Variants in ITGBL1 observed in about 807,000 individuals in gnomAD.
ITGBL1 encodes integrin beta-like protein 1.
ITGBL1 carries 51 observed loss-of-function variants against 68.5 expected under a neutral mutation model. The ratio of observed to expected loss-of-function variants is 0.74; its 90% CI spans 0.59 to 0.94. The LOEUF is 0.94. Among genes scored for constraint, ITGBL1 ranks in the 40% least tolerant of loss-of-function variants. The pLI is 0.00. For synonymous variants in ITGBL1, 209 were observed against 227.3 expected, an observed-to-expected ratio of 0.92 and a Z score of 0.72; for missense variants, 649 against 647.4, an observed-to-expected ratio of 1.00 and a Z score of -0.03.
chr13:101,618,012 T>C (rs958978220), intron 7 of ITGBL1, among the ~76,000 whole-genome samples: 11 of 152,212 alleles, frequency 7.2e-5, no homozygotes, highest in African/African-American at 2.4e-4. Context: ...ATTAGTTACA[T>C]TGGCAATATA....
chr13:101,598,201 A>G lies in ITGBL1; in HGVS notation c.917A>G (p.Tyr306Cys), dbSNP rs544530646. The G allele has an allele frequency of 2.7e-5, 43 of 1,613,758 alleles. No homozygotes were observed. The East Asian group carries it at 3.3e-4, about 13-fold the overall frequency. ...CGRCDCKAGWYGKKCEHPQSC... is the reference protein window; with the variant it reads ...CGRCDCKAGWCGKKCEHPQSC... The stretch of plus-strand genomic sequence containing the variant: ...AGATGTGACTGCAAAGCAGGCTGGT[A>G]TGGGAAGAAGTGTGAGCACCCACAG... Residue 306 changes from tyrosine (Y) to cysteine (C), a missense_variant, in exon 7 of 11, where the codon TAT (tyrosine) becomes TGT (cysteine). Transcript: ENST00000376180.
chr13:101,557,813 G>A (rs1434612050), intron 2 of ITGBL1, among the ~76,000 whole-genome samples: 2 of 151,990 alleles, frequency 1.3e-5, no homozygotes, highest in African/African-American at 4.8e-5. Context: ...ATGAGGGGCC[G>A]GGCACGGTGG....
chr13:101,687,818 A>G (rs1594981178), intron 7 of ITGBL1, among the ~76,000 whole-genome samples: 2 of 152,028 alleles, frequency 1.3e-5, no homozygotes, highest in South Asian at 2.1e-4. Flanking sequence ...AGTTATTTCT[A>G]TGCTCCTTTC....
Position 101,486,892 on chromosome 13 carries a change from C to T in ITGBL1, c.316+32792C>T, listed in dbSNP as rs914081763. Among the ~76,000 whole-genome samples, 10 of 152,068 alleles carry T rather than the reference C, an allele frequency of 6.6e-5. No individual in the cohort carries two copies. In the South Asian group the frequency reaches 8.3e-4, roughly 13 times the overall value. On this transcript the variant is annotated intron_variant, in intron 2 of 10. Coordinates refer to ENST00000376180, the MANE Select transcript of ITGBL1 (RefSeq NM_004791.3). ...AATTTCACACACCCAAAAATGCCTA[C>T]GTAGGTATTAAATGTCAGCTCTTAT...
intron 7 of ITGBL1, among the ~76,000 whole-genome samples, chr13:101,622,328 C>G (rs74989962): frequency 2.0e-5 from 3 of 152,064 alleles, no homozygotes; most frequent in Non-Finnish European, 2.9e-5. Flanking sequence ...ATAACACCAG[C>G]GTCTCTGTCT....
chr13:101,642,591 G>T (rs1296842327), intron 7 of ITGBL1, among the ~76,000 whole-genome samples: 1 of 151,958 alleles, frequency 6.6e-6, no homozygotes, highest in Non-Finnish European at 1.5e-5. Context: ...GTCAGTTTTG[G>T]CTTTTGTTGC....
intron 7 of ITGBL1, among the ~76,000 whole-genome samples, chr13:101,651,616 A>G (rs983207736): frequency 3.3e-5 from 5 of 152,054 alleles, no homozygotes; most frequent in African/African-American, 9.7e-5. Context: ...CCCATTCTGT[A>G]GGTTGTGTGT....
At chr13:101,538,166 A>G (rs1594874371) in intron 2 of ITGBL1, among the ~76,000 whole-genome samples, 1 of 152,090 alleles carries the variant, frequency 6.6e-6, no homozygotes, top group East Asian at 1.9e-4. Context: ...AAGGAAATGT[A>G]TAGTAGGAAA....
At chr13:101,497,006 G>A (rs985042752) in intron 2 of ITGBL1, among the ~76,000 whole-genome samples, 14 of 152,318 alleles carry the variant, frequency 9.2e-5, no homozygotes, top group African/African-American at 2.6e-4. Flanking sequence ...AGCCAGGGGA[G>A]CCTGGGACAA....
intron 6 of ITGBL1, among the ~76,000 whole-genome samples, chr13:101,597,815 G>A (rs1566748830): frequency 6.6e-6 from 1 of 152,046 alleles, no homozygotes; most frequent in Non-Finnish European, 1.5e-5. Flanking sequence ...CCCTCCCAAA[G>A]TGCTGGGATT....
chr13:101,484,727 C>T (rs2048676274), intron 2 of ITGBL1, among the ~76,000 whole-genome samples: 1 of 152,002 alleles, frequency 6.6e-6, no homozygotes, highest in African/African-American at 2.4e-5. Flanking sequence ...ATGAATGGAA[C>T]ATCAGTTAGC....
At chr13:101,466,531 G>A (rs369546857) in intron 2 of ITGBL1, among the ~76,000 whole-genome samples, 7 of 152,058 alleles carry the variant, frequency 4.6e-5, no homozygotes, top group Non-Finnish European at 7.4e-5. Flanking sequence ...ATGCTGACCC[G>A]CTTCCTCTTT....
chr13:101,520,204 G>T (rs557658540), intron 2 of ITGBL1, among the ~76,000 whole-genome samples: 32 of 152,130 alleles, frequency 2.1e-4, no homozygotes, highest in Non-Finnish European at 4.1e-4. Context: ...AAGACTCTAA[G>T]ATTCAATGAA....
At chr13:101,711,409 GAGAA>G (rs745450402) in intron 9 of ITGBL1, 1 of 152,318 alleles carries the variant, frequency 6.6e-6, no homozygotes, top group African/African-American at 2.4e-5. Context: ...CCCCAGAAAA[GAGAA>G]AGAGTGAAAG....
intron 7 of ITGBL1, among the ~76,000 whole-genome samples, chr13:101,624,376 C>T (rs1050401397): frequency 2.0e-5 from 3 of 152,146 alleles, no homozygotes; most frequent in African/African-American, 7.2e-5. Context: ...AATAACTACA[C>T]TTCCTTTTAT....
chr13:101,568,608 C>G (rs1378250299), intron 3 of ITGBL1, among the ~76,000 whole-genome samples: 1 of 151,966 alleles, frequency 6.6e-6, no homozygotes, highest in Non-Finnish European at 1.5e-5. Flanking sequence ...TGGTGTGTGG[C>G]CTTGACGTTG....
At chr13:101,494,139 A>G (rs1332998641) in intron 2 of ITGBL1, among the ~76,000 whole-genome samples, 1 of 152,218 alleles carries the variant, frequency 6.6e-6, no homozygotes, top group Non-Finnish European at 1.5e-5. Context: ...GGTAACAGAC[A>G]GCCAAAAAGC....
intron 6 of ITGBL1, among the ~76,000 whole-genome samples, chr13:101,585,722 C>G (rs1385081996): frequency 6.6e-6 from 1 of 152,020 alleles, no homozygotes. Context: ...GAGCCACCTC[C>G]CCCGGCGGCA....
intron 2 of ITGBL1, among the ~76,000 whole-genome samples, chr13:101,473,304 G>A (rs972746035): frequency 5.9e-5 from 9 of 152,150 alleles, no homozygotes; most frequent in Non-Finnish European, 8.8e-5. Context: ...CCCATCCGCC[G>A]GCAGCAGCCA....
Sources: allele counts gnomAD v4.1 joint callset (sites outside exome capture counted in the v4.1 genomes callset), GRCh38; gene constraint gnomAD v4.1.1; transcripts MANE v1.5; gene names NCBI Gene and HGNC (gene_info 2026-07-23, HGNC 2026-07-21).